Variants in RFX3 observed in about 807,000 individuals in gnomAD.
RFX3 encodes the protein transcription factor RFX3.
A neutral mutation model predicts 98.6 loss-of-function variants in RFX3; 14 were observed. That is an observed-to-expected ratio of 0.14 (90% confidence interval 0.09 to 0.22). The LOEUF is 0.22. RFX3 is among the 10% of genes least tolerant of loss of function. RFX3 has a pLI of 1.00. For synonymous variants in RFX3, 383 were observed against 328.4 expected (o/e 1.17, Z -1.80); for missense variants, 639 against 926.9 (o/e 0.69, Z 4.03).
chr9:3,442,058 G>T (rs1410702214), intron 1 of RFX3, among the ~76,000 whole-genome samples: 1 of 152,040 alleles, frequency 6.6e-6, no homozygotes, highest in Non-Finnish European at 1.5e-5. Context: ...AAATTAGCCA[G>T]GCGTGGTGGC....
At chr9:3,481,622 C>G (rs1849771222) in intron 1 of RFX3, among the ~76,000 whole-genome samples, 1 of 151,288 alleles carries the variant, frequency 6.6e-6, no homozygotes, top group Admixed American at 6.6e-5. Context: ...CAAAAAGAAT[C>G]ATATTTTTAA....
chr9:3,504,147 ATACATAT>A (rs1345746263), intron 1 of RFX3, among the ~76,000 whole-genome samples: 5 of 111,988 alleles, frequency 4.5e-5, no homozygotes, highest in African/African-American at 2.5e-4. Context: ...ATTATATATT[ATACATAT>A]TATATATTAT....
At chr9:3,355,634 C>T (rs7858850) in intron 2 of RFX3, among the ~76,000 whole-genome samples, 18,678 of 151,632 alleles carry the variant, frequency 0.12, 1,962 homozygotes, top group African/African-American at 0.28. Flanking sequence ...ATAGTTGATA[C>T]GCAAAAAAGA....
intron 1 of RFX3, among the ~76,000 whole-genome samples, chr9:3,476,707 A>C (rs1587806573): frequency 6.6e-6 from 1 of 152,240 alleles, no homozygotes; most frequent in Non-Finnish European, 1.5e-5. Flanking sequence ...TGCTTTATTC[A>C]GTTGTGTTTT....
intron 1 of RFX3, among the ~76,000 whole-genome samples, chr9:3,419,983 C>T (rs766780354): frequency 5.3e-4 from 81 of 152,192 alleles, no homozygotes; most frequent in Admixed American, 1.7e-3. Flanking sequence ...TCTCCTCCTC[C>T]TACCGCACTC....
chr9:3,275,287 A>T (rs888144965), intron 9 of RFX3, among the ~76,000 whole-genome samples: 1 of 152,132 alleles, frequency 6.6e-6, no homozygotes, highest in African/African-American at 2.4e-5. Context: ...CTTAAGAAAT[A>T]GAGAATAAAA....
chr9:3,405,443 C>G (rs1435568492), intron 1 of RFX3, among the ~76,000 whole-genome samples: 2 of 152,142 alleles, frequency 1.3e-5, no homozygotes, highest in African/African-American at 2.4e-5. Flanking sequence ...ATCATCATTA[C>G]AAGTCCACCT....
chr9:3,314,138 C>A (rs2130559714), intron 4 of RFX3, among the ~76,000 whole-genome samples: 1 of 152,282 alleles, frequency 6.6e-6, no homozygotes, highest in East Asian at 1.9e-4. Flanking sequence ...TCGGGTTACC[C>A]ACAAAGGGAA....
chr9:3,519,014 C>T (rs1818448287), intron 1 of RFX3, among the ~76,000 whole-genome samples: 1 of 152,118 alleles, frequency 6.6e-6, no homozygotes, highest in South Asian at 2.1e-4. Context: ...ACTTTACTGA[C>T]TACATTCAGT....
chr9:3,446,901 A>G (rs1356193207), intron 1 of RFX3, among the ~76,000 whole-genome samples: 1 of 152,110 alleles, frequency 6.6e-6, no homozygotes. Flanking sequence ...CCAAAATAAG[A>G]TGGAACTTAA....
At chr9:3,345,067 AC>A (rs1407614960) in intron 3 of RFX3, among the ~76,000 whole-genome samples, 1 of 152,176 alleles carries the variant, frequency 6.6e-6, no homozygotes, top group Non-Finnish European at 1.5e-5. Flanking sequence ...GGAAACATAA[AC>A]AAGCATTCAC....
chr9:3,222,525 C>A lies in RFX3; in HGVS notation c.*2517G>T, dbSNP rs754313766. On this transcript the variant is annotated 3_prime_UTR_variant, in exon 17 of 17. Coordinates refer to ENST00000617270, the MANE Select transcript of RFX3 (RefSeq NM_001282116.2). The stretch of plus-strand genomic sequence containing the variant: ...GATAATAAATACATTTAAAGTCATT[C>A]AATAAACAAAATGAAACCAGTAAAT... The A allele has an allele frequency of 6.6e-5, 10 of 152,042 alleles. No individual in the cohort carries two copies. Among genetic ancestry groups the A allele is most frequent in the Non-Finnish European group, 1.5e-4 (10 of 68,000 alleles). 9.4% of individuals were successfully genotyped at this position (152,042 alleles called of 1,614,324 possible). A position where few individuals can be genotyped will look rare whatever the true frequency, so the allele number is the denominator to read the frequency against.
intron 2 of RFX3, among the ~76,000 whole-genome samples, chr9:3,392,464 T>G (rs1158945454): frequency 6.9e-6 from 1 of 145,928 alleles, no homozygotes; most frequent in Admixed American, 6.8e-5. Flanking sequence ...TGATAGAAAT[T>G]AAAAATAATA....
At chr9:3,518,780 T>C (rs1434228236) in intron 1 of RFX3, among the ~76,000 whole-genome samples, 1 of 152,200 alleles carries the variant, frequency 6.6e-6, no homozygotes, top group African/African-American at 2.4e-5. Context: ...GATTTCATAT[T>C]ATATATTACA....
chr9:3,239,764 G>A (rs1468103227), intron 15 of RFX3, among the ~76,000 whole-genome samples: 3 of 152,298 alleles, frequency 2.0e-5, no homozygotes, highest in South Asian at 2.1e-4. Flanking sequence ...GTTTTCCATT[G>A]CCAGTCCCTT....
intron 5 of RFX3, among the ~76,000 whole-genome samples, chr9:3,293,492 A>G (rs2129678036): frequency 6.6e-6 from 1 of 152,288 alleles, no homozygotes; most frequent in Non-Finnish European, 1.5e-5. Flanking sequence ...TCAAATATTC[A>G]AGCACACGTA....
chr9:3,390,581 C>T (rs1840204570), intron 2 of RFX3, among the ~76,000 whole-genome samples: 1 of 152,150 alleles, frequency 6.6e-6, no homozygotes, highest in African/African-American at 2.4e-5. Context: ...ACAATTCCCA[C>T]ATTGTTGTGG....
chr9:3,313,650 A>C (rs1327262832), intron 4 of RFX3, among the ~76,000 whole-genome samples: 1 of 152,242 alleles, frequency 6.6e-6, no homozygotes, highest in Admixed American at 6.5e-5. Flanking sequence ...ATGGCTAACT[A>C]GAATAAACAG....
Position 3,348,791 on chromosome 9 carries a change from T to A in RFX3, c.118-2027A>T, listed in dbSNP as rs2920382. Among the ~76,000 whole-genome samples, 3 of 152,042 alleles carry A rather than the reference T, an allele frequency of 2.0e-5. No homozygotes were observed. The East Asian group carries it at 5.8e-4, about 29-fold the overall frequency. On this transcript the variant is annotated intron_variant, in intron 2 of 16. Coordinates refer to ENST00000617270, the MANE Select transcript of RFX3 (RefSeq NM_001282116.2). ...TAGCAATCTTTTTTTCTTGCTAAAATTGTCCCATTGTTGGCCAATGGTAGC... is the reference window on the plus strand; with the variant it reads ...TAGCAATCTTTTTTTCTTGCTAAAAATGTCCCATTGTTGGCCAATGGTAGC...
Sources: allele counts gnomAD v4.1 joint callset (sites outside exome capture counted in the v4.1 genomes callset), GRCh38; gene constraint gnomAD v4.1.1; transcripts MANE v1.5; gene names NCBI Gene and HGNC (gene_info 2026-07-23, HGNC 2026-07-21).